Variants in LACC1 observed in about 807,000 individuals in gnomAD.
LACC1 encodes the protein laccase domain multifunctional purine nucleosidase 1.
Under a neutral mutation model 34.8 loss-of-function variants are expected in LACC1, and 25 were observed. That is an observed-to-expected ratio of 0.72 (90% CI 0.52 to 1.00). The LOEUF (loss-of-function observed/expected upper bound fraction) is 1.00. LACC1 is among the 50% of genes least tolerant of loss of function. The pLI, the probability that LACC1 is intolerant of heterozygous loss-of-function variation, is 0.00. For synonymous variants in LACC1, 162 were observed against 168.0 expected, an observed-to-expected ratio of 0.96 and a Z score of 0.28; for missense variants, 426 against 511.2, an observed-to-expected ratio of 0.83 and a Z score of 1.61.
chr13:43,893,586 A>G lies in LACC1; in HGVS notation c.*2139A>G, dbSNP rs571676234. 6.6e-6 allele frequency: 1 copy of G among 152,078 alleles called. No individual in the cohort carries two copies. The highest frequency in any genetic ancestry group is 2.1e-4 in the South Asian group (1 of 4,832). The allele number at this position is 152,078 out of a possible 1,614,324, so 9.4% of individuals were successfully genotyped here. ...AAACCAACAATCTCAATACTTTGAT[A>G]TATGTTGTGAGGTTGTGATAACCGA... On this transcript the variant is annotated 3_prime_UTR_variant, in exon 7 of 7. Transcript: ENST00000325686.
chr13:43,886,495 T>C (rs1955333024), intron 4 of LACC1, among the ~76,000 whole-genome samples: 1 of 152,178 alleles, frequency 6.6e-6, no homozygotes, highest in African/African-American at 2.4e-5. Context: ...AATGAATTAA[T>C]GCAGGAACAG....
chr13:43,889,680 A>G (rs1955483671), intron 5 of LACC1, among the ~76,000 whole-genome samples: 1 of 152,212 alleles, frequency 6.6e-6, no homozygotes, highest in African/African-American at 2.4e-5. Flanking sequence ...TTCATATCAT[A>G]AAGTGTTCAT....
chr13:43,887,710 A>C (rs1392947942), intron 4 of LACC1, among the ~76,000 whole-genome samples: 2 of 152,164 alleles, frequency 1.3e-5, no homozygotes, highest in African/African-American at 4.8e-5. Flanking sequence ...GTGTTCATGG[A>C]TTAGAAGTTA....
At chr13:43,887,543 T>C (rs1022941569) in intron 4 of LACC1, among the ~76,000 whole-genome samples, 10 of 152,120 alleles carry the variant, frequency 6.6e-5, no homozygotes, top group African/African-American at 1.4e-4. Context: ...AAGACAAAGA[T>C]GGCAAGGGAA....
chr13:43,882,862 G>A (rs1195940793), intron 3 of LACC1, among the ~76,000 whole-genome samples: 1 of 151,920 alleles, frequency 6.6e-6, no homozygotes, highest in African/African-American at 2.4e-5. Context: ...AAATTATTTC[G>A]GTTCAGGGCT....
intron 4 of LACC1, among the ~76,000 whole-genome samples, 199 bp downstream of exon 4, chr13:43,884,135 T>A (rs1955202749): frequency 6.6e-6 from 1 of 152,186 alleles, no homozygotes; most frequent in Non-Finnish European, 1.5e-5. Flanking sequence ...TATAGTAGAA[T>A]TCCCAAAGGA....
In LACC1 at chr13:43,893,236, C is replaced by G. The variant is rs1252759803; in HGVS notation, c.*1789C>G. On this transcript the variant is annotated 3_prime_UTR_variant, in exon 7 of 7. Coordinates refer to ENST00000325686, the MANE Select transcript of LACC1 (RefSeq NM_153218.4). Reference sequence around the variant, plus strand: ...TCCAAAGGACTTTCATGTACATTGCCTCATTTTACCTTTACAGCTACTCTG... The same window carrying G: ...TCCAAAGGACTTTCATGTACATTGCGTCATTTTACCTTTACAGCTACTCTG... 3.9e-5 allele frequency: 6 copies of G among 152,078 alleles called. No homozygotes were observed. In the South Asian group the frequency reaches 1.2e-3, roughly 32 times the overall value. 9.4% of individuals were successfully genotyped at this position (152,078 alleles called of 1,614,324 possible).
intron 3 of LACC1, among the ~76,000 whole-genome samples, chr13:43,883,330 G>T (rs1420892914): frequency 1.3e-5 from 2 of 152,174 alleles, no homozygotes; most frequent in East Asian, 1.9e-4. Flanking sequence ...ACTCCAGGAG[G>T]AACTAGGGTC....
At position 43,881,133 on chromosome 13, in the gene LACC1, A is replaced by G. The variant is rs373653974; in HGVS notation, c.148A>G (p.Ile50Val). The G allele has an allele frequency of 6.2e-7, 1 of 1,614,240 alleles. No individual in the cohort carries two copies. The highest frequency in any genetic ancestry group is 1.3e-5 in the African/African-American group (1 of 75,064). Residue 50 changes from isoleucine (I) to valine (V), a missense_variant, in exon 2 of 7, where the codon ATC becomes GTC. Ile to Val is a conservative substitution (Grantham distance 29). This residue lies in a region of LACC1 where 217 missense variants were observed against 210.9 expected (regional missense o/e 1.03). Coordinates refer to ENST00000325686, the MANE Select transcript of LACC1 (RefSeq NM_153218.4). ...KFLCIMCCSN[I>V]SYERDGEQDN... ...TCTCTGTATAATGTGTTGCAGTAAC[A>G]TCAGCTATGAAAGGGATGGAGAACA...
At chr13:43,885,905 A>C (rs1211353591) in intron 4 of LACC1, among the ~76,000 whole-genome samples, 16 of 152,166 alleles carry the variant, frequency 1.1e-4, no homozygotes. Context: ...TTAAATCAAC[A>C]AACAAATAAC....
intron 4 of LACC1, among the ~76,000 whole-genome samples, chr13:43,886,444 A>C (rs1955328984): frequency 6.6e-6 from 1 of 152,206 alleles, no homozygotes; most frequent in African/African-American, 2.4e-5. Context: ...GAATGAAATC[A>C]TATCCTTACA....
chr13:43,893,221 T>G lies in LACC1; in HGVS notation c.*1774T>G, dbSNP rs1030901146. On this transcript the variant is annotated 3_prime_UTR_variant, in exon 7 of 7. Coordinates refer to ENST00000325686, the MANE Select transcript of LACC1 (RefSeq NM_153218.4). ...CATTTGTTTGGTATTTCCAAAGGACTTTCATGTACATTGCCTCATTTTACC... is the reference window on the plus strand; with the variant it reads ...CATTTGTTTGGTATTTCCAAAGGACGTTCATGTACATTGCCTCATTTTACC... 1 of 152,120 alleles carries G rather than the reference T, an allele frequency of 6.6e-6. No individual in the cohort carries two copies. Among genetic ancestry groups the G allele is most frequent in the Non-Finnish European group, 1.5e-5 (1 of 67,922 alleles). The allele number at this position is 152,120 out of a possible 1,614,324, so 9.4% of individuals were successfully genotyped here. A position where few individuals can be genotyped will look rare whatever the true frequency, so the allele number is the denominator to read the frequency against.
At chr13:43,888,548 G>C (rs1301811108) in intron 4 of LACC1, among the ~76,000 whole-genome samples, 1 of 152,090 alleles carries the variant, frequency 6.6e-6, no homozygotes, top group Non-Finnish European at 1.5e-5. Context: ...TTAAATGGAA[G>C]ATGAAGAAAA....
chr13:43,888,905 A>G lies in LACC1; in HGVS notation c.1056A>G (p.Ala352=), dbSNP rs771180869. 27 of 1,613,828 alleles carry G rather than the reference A, an allele frequency of 1.7e-5. 1 individual carries two copies. Among genetic ancestry groups the G allele is most frequent in the Admixed American group, 3.3e-5 (2 of 59,974 alleles). ...CTCTTCCAAGGGAATCAGCAGAGGC[A>G]TTTCATAATCTTCATCCTGCATGTG... The part of the protein sequence containing the change: ...CFTLPRESAE[A]FHNLHPACVQ... Residue 352 remains alanine (A), a synonymous_variant, in exon 5 of 7, where the codon GCA becomes GCG. Transcript: ENST00000325686.
At chr13:43,886,889 A>G (rs1955358347) in intron 4 of LACC1, among the ~76,000 whole-genome samples, 1 of 152,202 alleles carries the variant, frequency 6.6e-6, no homozygotes, top group African/African-American at 2.4e-5. Flanking sequence ...CTAGATATGT[A>G]TATATAGATA....
At chr13:43,889,347 T>A (rs192466522) in intron 5 of LACC1, among the ~76,000 whole-genome samples, 9 of 152,344 alleles carry the variant, frequency 5.9e-5, no homozygotes, top group Admixed American at 5.2e-4. Flanking sequence ...GCTGATATTT[T>A]AAAATTATTC....
chr13:43,888,608 A>G, intron 4 of LACC1, 149 bp from the exon 5 acceptor site: 2 of 650,166 alleles, frequency 3.1e-6, no homozygotes, highest in Non-Finnish European at 5.4e-6. Flanking sequence ...AGTATGGCTC[A>G]TTTAAAAACC....
Position 43,881,125 on chromosome 13 carries a change from GCAGTAA to G in LACC1, c.143_148del (p.Ser48_Asn49del). On this transcript the variant is annotated inframe_deletion, in exon 2 of 7. Coordinates refer to ENST00000325686, the MANE Select transcript of LACC1 (RefSeq NM_153218.4). ...GCCAAGTTTCTCTGTATAATGTGTT[GCAGTAA>G]CATCAGCTATGAAAGGGATGGAGAA... 1.9e-6 allele frequency: 3 copies of G among 1,614,166 alleles called. No individual in the cohort carries two copies. The highest frequency in any genetic ancestry group is 1.7e-6 in the Non-Finnish European group (2 of 1,180,026).
Position 43,882,380 on chromosome 13 carries a change from T to G in LACC1, c.741+17T>G. ...CGAATAAAGGTAAAATTTTGCTTTA[T>G]ATTTTGAAAGATCTAAAGTATATTT... On this transcript the variant is annotated intron_variant, in intron 3 of 6. Transcript: ENST00000325686. 2 of 1,592,256 alleles carry G rather than the reference T, an allele frequency of 1.3e-6. No individual in the cohort carries two copies. The highest frequency in any genetic ancestry group is 1.7e-6 in the Non-Finnish European group (2 of 1,168,738).
Sources: gnomAD v4.1 joint callset for allele counts (sites outside exome capture counted in the v4.1 genomes callset) on GRCh38, gnomAD v4.1.1 for gene constraint, gnomAD v4.1.1 regional missense constraint, MANE v1.5 for transcripts, NCBI Gene and HGNC (gene_info 2026-07-23, HGNC 2026-07-21) for gene names.